The following CCDC171 variants were observed in gnomAD, a reference collection of about 807,000 sequenced individuals.
CCDC171 encodes coiled-coil domain-containing protein 171.
In CCDC171, 177 loss-of-function variants were observed where a neutral mutation model predicts 168.2. The ratio of observed to expected loss-of-function variants is 1.05; its 90% CI spans 0.93 to 1.19. CCDC171 has a LOEUF of 1.19. Among genes scored for constraint, CCDC171 ranks in the 50% most tolerant of loss-of-function variants. CCDC171 has a pLI of 0.00. For synonymous variants in CCDC171, 687 were observed against 540.8 expected (o/e 1.27, Z -3.75); for missense variants, 1,991 against 1,539.0 (o/e 1.29, Z -4.91).
intron 21 of CCDC171, among the ~76,000 whole-genome samples, chr9:15,799,737 A>G (rs750914816): frequency 8.6e-5 from 13 of 151,270 alleles, no homozygotes; most frequent in Non-Finnish European, 1.6e-4. Context: ...TTTTTTTTGC[A>G]CCCATTAACC....
At chr9:15,602,647 C>CTTTT (rs1161286304) in intron 6 of CCDC171, among the ~76,000 whole-genome samples, 10 of 30,460 alleles carry the variant, frequency 3.3e-4, no homozygotes, top group African/African-American at 4.9e-4. Context: ...TTTTTTTTTT[C>CTTTT]TTTTTTTTTT....
chr9:15,951,994 T>G (rs529267730), intron 25 of CCDC171, among the ~76,000 whole-genome samples: 90 of 152,310 alleles, frequency 5.9e-4, no homozygotes, highest in Non-Finnish European at 1.0e-3. Flanking sequence ...TTTTATAATT[T>G]TTGGTCTTAC....
intron 3 of CCDC171, among the ~76,000 whole-genome samples, chr9:15,987,183 C>T (rs368127469): frequency 3.9e-5 from 6 of 152,114 alleles, no homozygotes; most frequent in African/African-American, 1.4e-4. Flanking sequence ...ACACCACTAG[C>T]AAATGTCAAA....
In CCDC171 at chr9:15,666,151, G is replaced by C. The variant is rs768418835; in HGVS notation, c.916-12G>C. The C allele has an allele frequency of 6.2e-7, 1 of 1,610,506 alleles. No homozygotes were observed. The highest frequency in any genetic ancestry group is 1.1e-5 in the South Asian group (1 of 90,696). On this transcript the variant is annotated splice_polypyrimidine_tract_variant and intron_variant, in intron 8 of 25. Coordinates refer to ENST00000380701, the MANE Select transcript of CCDC171 (RefSeq NM_173550.4). ...CTTAGCTTGATTTAATTACTTGTCT[G>C]TCGTCCGGTAGTTACGGATTCGAGA... is the stretch of plus-strand genomic sequence containing the variant.
chr9:15,922,091 C>A, intron 25 of CCDC171: 1 of 280,308 alleles, frequency 3.6e-6, no homozygotes, highest in South Asian at 3.4e-5. Context: ...ACACTTTTTC[C>A]CCTTTGAACA....
At chr9:15,554,762 A>G (rs1332622954) in intron 1 of CCDC171, among the ~76,000 whole-genome samples, 1 of 152,196 alleles carries the variant, frequency 6.6e-6, no homozygotes, top group African/African-American at 2.4e-5. Context: ...GTGAAAGAGG[A>G]TGGACTTAGC....
intron 6 of CCDC171, among the ~76,000 whole-genome samples, chr9:15,601,054 A>T (rs2042810017): frequency 6.6e-6 from 1 of 152,156 alleles, no homozygotes; most frequent in African/African-American, 2.4e-5. Flanking sequence ...TTGGCTAGGA[A>T]AGGGAATTCC....
chr9:15,855,776 T>G (rs2061327253), intron 23 of CCDC171, among the ~76,000 whole-genome samples: 1 of 151,952 alleles, frequency 6.6e-6, no homozygotes, highest in Non-Finnish European at 1.5e-5. Context: ...TTGTTTGAAT[T>G]AATGCCAACG....
chr9:15,578,486 T>G (rs1587099905), intron 3 of CCDC171, among the ~76,000 whole-genome samples: 2 of 150,140 alleles, frequency 1.3e-5, no homozygotes, highest in African/African-American at 4.9e-5. Flanking sequence ...CCCGGGCTGG[T>G]CTTGAACTCC....
At chr9:15,949,597 ATGTC>A (rs1828867805) in intron 25 of CCDC171, among the ~76,000 whole-genome samples, 1 of 152,064 alleles carries the variant, frequency 6.6e-6, no homozygotes, top group Admixed American at 6.6e-5. Flanking sequence ...CATGATTTGG[ATGTC>A]TGTCTGTCTG....
upstream of CCDC171, among the ~76,000 whole-genome samples, chr9:16,038,374 T>A (rs1420147717): frequency 6.6e-6 from 1 of 152,092 alleles, no homozygotes; most frequent in Non-Finnish European, 1.5e-5. Flanking sequence ...CTTGACAGAT[T>A]TTAAGGGTAT....
the CCDC171 span, among the ~76,000 whole-genome samples, chr9:16,078,464 A>C: frequency 6.6e-5 from 10 of 152,180 alleles, no homozygotes; most frequent in African/African-American, 2.4e-4. Context: ...CGTTCTGAGC[A>C]CTTTTATGGA....
At chr9:16,048,843 G>A (rs565074217) in intron 1 of CCDC171, among the ~76,000 whole-genome samples, 2 of 151,640 alleles carry the variant, frequency 1.3e-5, no homozygotes, top group Non-Finnish European at 2.9e-5. Context: ...CGTAGTAAAC[G>A]CTGTGGACAG....
At chr9:16,049,519 T>A (rs1003672637) in intron 1 of CCDC171, among the ~76,000 whole-genome samples, 1 of 152,152 alleles carries the variant, frequency 6.6e-6, no homozygotes, top group Admixed American at 6.5e-5. Context: ...TCTCTGAAGC[T>A]GGCATGGGCT....
intron 24 of CCDC171, among the ~76,000 whole-genome samples, chr9:15,882,235 T>C (rs983268910): frequency 3.3e-5 from 5 of 152,194 alleles, no homozygotes; most frequent in Non-Finnish European, 5.9e-5. Flanking sequence ...ATTTGTATGT[T>C]TTCTTTTGAG....
intron 24 of CCDC171, among the ~76,000 whole-genome samples, chr9:15,876,512 A>G (rs970305813): frequency 6.6e-6 from 1 of 152,182 alleles, no homozygotes; most frequent in South Asian, 2.1e-4. Context: ...AGGAAAAGGC[A>G]GAGCCTGGAT....
chr9:15,899,143 AT>A (rs1821304680), intron 24 of CCDC171, among the ~76,000 whole-genome samples: 1 of 152,164 alleles, frequency 6.6e-6, no homozygotes, highest in Admixed American at 6.6e-5. Context: ...GCATATATCA[AT>A]AGTTTATTCC....
chr9:15,808,771 A>G (rs1331237023), intron 21 of CCDC171, among the ~76,000 whole-genome samples: 2 of 152,184 alleles, frequency 1.3e-5, no homozygotes, highest in Non-Finnish European at 2.9e-5. Flanking sequence ...TTGTCTTTCA[A>G]GTCACCCAGA....
chr9:15,650,405 A>C (rs1334677281), intron 7 of CCDC171, among the ~76,000 whole-genome samples: 1 of 152,146 alleles, frequency 6.6e-6, no homozygotes, highest in African/African-American at 2.4e-5. Flanking sequence ...TAATAAAAAA[A>C]AGAAAAAAAA....
Sources: gnomAD v4.1 joint callset for allele counts (sites outside exome capture counted in the v4.1 genomes callset) on GRCh38, gnomAD v4.1.1 for gene constraint, MANE v1.5 for transcripts, NCBI Gene and HGNC (gene_info 2026-07-23, HGNC 2026-07-21) for gene names.